CLTCL1: variants seen among roughly 807,000 people sequenced by gnomAD.
CLTCL1 encodes the protein clathrin heavy chain 2.
In CLTCL1, 159 loss-of-function variants were observed where a neutral mutation model predicts 190.0. The observed-to-expected ratio is 0.84, with a 90% CI of 0.74 to 0.95. CLTCL1 has a LOEUF of 0.95. CLTCL1 is among the 40% of genes least tolerant of loss of function. The pLI is 0.00. For missense variants in CLTCL1, 1,878 were observed against 2,033.4 expected (o/e 0.92, Z 1.47); for synonymous variants, 752 against 769.6 (o/e 0.98, Z 0.38).
At chr22:19,205,637 G>A (rs2085025533) in intron 22 of CLTCL1, among the ~76,000 whole-genome samples, 1 of 152,144 alleles carries the variant, frequency 6.6e-6, no homozygotes, top group Non-Finnish European at 1.5e-5. Flanking sequence ...TCTTGGGATA[G>A]ATTTTTACAT....
intron 16 of CLTCL1, 113 bp from the exon 17 acceptor site, chr22:19,221,724 A>T: frequency 9.3e-7 from 1 of 1,071,374 alleles, no homozygotes; most frequent in Non-Finnish European, 1.3e-6. Context: ...GAGTCCATTG[A>T]CTTCAGGTTG....
chr22:19,186,013 A>G (rs1263071965), intron 29 of CLTCL1, among the ~76,000 whole-genome samples: 1 of 152,172 alleles, frequency 6.6e-6, no homozygotes, highest in African/African-American at 2.4e-5. Flanking sequence ...GGGCTAGGAT[A>G]TGTCACAGAA....
At position 19,221,576 on chromosome 22, in the gene CLTCL1, A is replaced by G; in HGVS notation, c.2597T>C (p.Ile866Thr). Reference sequence around the variant, plus strand: ...GGCAGGCTCCTCACAGCCTTCCTGAATCTGGGACTCCAGCCAGGGAAGCAG... The same window carrying G: ...GGCAGGCTCCTCACAGCCTTCCTGAGTCTGGGACTCCAGCCAGGGAAGCAG... ...KLLLPWLESQ[I>T]QEGCEEPATH... The change falls in exon 17 of 33, where the codon ATT becomes ACT. Residue 866 changes from isoleucine (I) to threonine (T), a missense_variant. By Grantham distance (89) the Ile-to-Thr change is moderately conservative. Coordinates refer to ENST00000427926, the MANE Select transcript of CLTCL1 (RefSeq NM_007098.4). The G allele has an allele frequency of 6.3e-7, 1 of 1,598,954 alleles. No individual in the cohort carries two copies. Among genetic ancestry groups the G allele is most frequent in the Non-Finnish European group, 8.5e-7 (1 of 1,172,560 alleles).
chr22:19,282,159 T>C (rs1392648294), intron 1 of CLTCL1, among the ~76,000 whole-genome samples: 5 of 151,708 alleles, frequency 3.3e-5, no homozygotes, highest in African/African-American at 9.7e-5. Flanking sequence ...TGAAACCCCG[T>C]CTCTACTAAA....
In CLTCL1 at chr22:19,242,831, T is replaced by G; in HGVS notation, c.625A>C (p.Asn209His). ...CAGAAAAGGGTGGCAGGCTTGGCAT[T>G]CCCCTCCATCTTGAACTCTGCAAAA... ...AAFAEFKMEG[N>H]AKPATLFCFA... The change falls in exon 4 of 33, where the codon AAT (asparagine) becomes CAT (histidine). Residue 209 changes from asparagine (N) to histidine (H), a missense_variant. By Grantham distance (68) the Asn-to-His change is moderately conservative. Transcript: ENST00000427926. 6.2e-7 allele frequency: 1 copy of G among 1,613,820 alleles called. No homozygotes were observed. The highest frequency in any genetic ancestry group is 8.5e-7 in the Non-Finnish European group (1 of 1,179,858).
rs782120771 is a variant in CLTCL1 at position 19,254,085 on chromosome 22, G to A, written c.393C>T (p.Ser131=). The A allele has an allele frequency of 6.2e-6, 10 of 1,612,530 alleles. No homozygotes were observed. In the South Asian group the frequency reaches 1.1e-4, roughly 18 times the overall value. The part of the protein sequence containing the change: ...LVTETAVYHW[S]MEGDSQPMKM... ...TCATGGGCTGGGAGTCACCTTCCATGCTCCAGTGGTAGACCGCGGTCTCGG... is the reference window on the plus strand; with the variant it reads ...TCATGGGCTGGGAGTCACCTTCCATACTCCAGTGGTAGACCGCGGTCTCGG... The change falls in exon 3 of 33, where the codon AGC becomes AGT. Residue 131 remains serine (S), a synonymous_variant. Coordinates refer to ENST00000427926, the MANE Select transcript of CLTCL1 (RefSeq NM_007098.4).
At chr22:19,227,323 A>G (rs2085779495) in intron 11 of CLTCL1, among the ~76,000 whole-genome samples, 2 of 137,490 alleles carry the variant, frequency 1.5e-5, no homozygotes, top group East Asian at 4.3e-4. Flanking sequence ...TCTGTTGCCC[A>G]GGCGAATGGA....
At chr22:19,266,401 T>G (rs910623083) in intron 2 of CLTCL1, among the ~76,000 whole-genome samples, 22 of 152,138 alleles carry the variant, frequency 1.4e-4, no homozygotes, top group African/African-American at 5.3e-4. Context: ...CTGAACAGAT[T>G]CACAGCAAGT....
chr22:19,234,149 A>G (rs1163535297), intron 7 of CLTCL1, among the ~76,000 whole-genome samples: 6 of 152,250 alleles, frequency 3.9e-5, no homozygotes, highest in Non-Finnish European at 1.5e-5. Flanking sequence ...GGGTAGGACT[A>G]TCGCTAGATA....
intron 19 of CLTCL1, among the ~76,000 whole-genome samples, chr22:19,214,177 T>A (rs111893103): frequency 0.012 from 1,813 of 152,294 alleles, 31 homozygotes; most frequent in African/African-American, 0.042. Context: ...GTGCATCTTT[T>A]TTCACCAAAC....
intron 13 of CLTCL1, 96 bp from the exon 14 acceptor site, chr22:19,224,150 TC>T: frequency 7.9e-7 from 1 of 1,261,874 alleles, no homozygotes; most frequent in Non-Finnish European, 1.1e-6. Context: ...TGCTCCACTC[TC>T]CAGGGACCCA....
At chr22:19,281,294 CAA>C (rs361827) in intron 1 of CLTCL1, among the ~76,000 whole-genome samples, 287 of 116,452 alleles carry the variant, frequency 2.5e-3, no homozygotes, top group African/African-American at 3.1e-3. Flanking sequence ...GACCCTGTCT[CAA>C]AAAAAAAAAA....
At chr22:19,219,834 G>T in intron 18 of CLTCL1, 51 bp downstream of exon 18, 2 of 1,607,140 alleles carry the variant, frequency 1.2e-6, no homozygotes, top group Non-Finnish European at 1.7e-6. Flanking sequence ...CCACAATGAT[G>T]ATCGGACGGC....
intron 7 of CLTCL1, 143 bp downstream of exon 7, chr22:19,234,366 G>T: frequency 2.8e-6 from 2 of 703,854 alleles, no homozygotes; most frequent in Non-Finnish European, 4.6e-6. Context: ...TTATGCCATT[G>T]GTGCAAAAAT....
Position 19,235,828 on chromosome 22 carries a change from A to G in CLTCL1, c.837T>C (p.Tyr279=). The change falls in exon 6 of 33, where the codon TAT becomes TAC. Residue 279 remains tyrosine (Y), a synonymous_variant. Transcript: ENST00000427926. ...CTAGGTCGTACAGATGAAGATAGCC[A>G]TACTTTGTGATCAAGTAAATAACAC... ...KHGVIYLITK[Y]GYLHLYDLES... is the part of the protein sequence containing the mutation. 1 of 1,614,038 alleles carries G rather than the reference A, an allele frequency of 6.2e-7. No homozygotes were observed. The highest frequency in any genetic ancestry group is 8.5e-7 in the Non-Finnish European group (1 of 1,179,890).
At chr22:19,191,058 G>T (rs576222488) in intron 27 of CLTCL1, among the ~76,000 whole-genome samples, 1 of 152,206 alleles carries the variant, frequency 6.6e-6, no homozygotes, top group Non-Finnish European at 1.5e-5. Flanking sequence ...TTACAGGCGT[G>T]AGCCACCGCA....
At chr22:19,266,226 T>G (rs1255600689) in intron 2 of CLTCL1, among the ~76,000 whole-genome samples, 1 of 151,848 alleles carries the variant, frequency 6.6e-6, no homozygotes, top group African/African-American at 2.4e-5. Context: ...AGACACAAAT[T>G]ATCAAAATTA....
intron 15 of CLTCL1, 101 bp downstream of exon 15, chr22:19,222,583 G>T: frequency 7.3e-7 from 1 of 1,378,460 alleles, no homozygotes; most frequent in Non-Finnish European, 1.0e-6. Context: ...CAAAATGATA[G>T]TCTCTGAAAT....
rs5746674 is a variant in CLTCL1 at position 19,179,566 on chromosome 22, G to A, written c.*424C>T. The A allele has an allele frequency of 9.4e-3, 1,455 of 154,558 alleles. 33 individuals carry two copies. Among genetic ancestry groups the A allele is most frequent in the East Asian group, 0.068 (352 of 5,192 alleles). 9.6% of individuals were successfully genotyped at this position (154,558 alleles called of 1,614,324 possible). A position where few individuals can be genotyped will look rare whatever the true frequency, so the allele number is the denominator to read the frequency against. On this transcript the variant is annotated 3_prime_UTR_variant, in exon 33 of 33. Coordinates refer to ENST00000427926, the MANE Select transcript of CLTCL1 (RefSeq NM_007098.4). ...GTACCTCCAAACAAGACGTGTTCAT[G>A]TAGTCTTCAAACTGGCCTGGAGGGG...
Sources: allele counts gnomAD v4.1 joint callset (sites outside exome capture counted in the v4.1 genomes callset), GRCh38; gene constraint gnomAD v4.1.1; transcripts MANE v1.5; gene names NCBI Gene and HGNC (gene_info 2026-07-23, HGNC 2026-07-21).